The following TRMT1L variants were observed in gnomAD, a reference collection of about 807,000 sequenced individuals.
TRMT1L encodes the protein tRNA (guanine(27)-N(2))-dimethyltransferase.
In TRMT1L, 28 loss-of-function variants were observed where a neutral mutation model predicts 81.6. That is an observed-to-expected ratio of 0.34 (90% CI 0.25 to 0.47). The LOEUF (loss-of-function observed/expected upper bound fraction) is 0.47. Among genes scored for constraint, TRMT1L ranks in the 20% least tolerant of loss-of-function variants. TRMT1L has a pLI of 1.00. For missense variants in TRMT1L, 739 were observed against 877.1 expected (o/e 0.84, Z 1.99); for synonymous variants, 301 against 303.2 (o/e 0.99, Z 0.07).
intron 10 of TRMT1L, among the ~76,000 whole-genome samples, chr1:185,131,358 T>A (rs1178134829): frequency 6.6e-6 from 1 of 152,024 alleles, no homozygotes; most frequent in South Asian, 2.1e-4. Flanking sequence ...CACAAAACAT[T>A]TGAGAACTAC....
intron 3 of TRMT1L, among the ~76,000 whole-genome samples, chr1:185,147,824 A>T (rs12043561): frequency 0.1 from 15,182 of 152,166 alleles, 980 homozygotes; most frequent in East Asian, 0.25. Flanking sequence ...TCCCAAATTA[A>T]AGCTCTAGGT....
chr1:185,151,007 G>A (rs1415098587), intron 2 of TRMT1L, among the ~76,000 whole-genome samples: 1 of 152,172 alleles, frequency 6.6e-6, no homozygotes, highest in East Asian at 1.9e-4. Flanking sequence ...GTTCTGAGAC[G>A]GGGCGCATAG....
Position 185,125,047 on chromosome 1 carries a change from A to G in TRMT1L, c.1656T>C (p.Gly552=). The G allele has an allele frequency of 6.2e-7, 1 of 1,613,260 alleles. No homozygotes were observed. Among genetic ancestry groups the G allele is most frequent in the Non-Finnish European group, 8.5e-7 (1 of 1,179,512 alleles). ...TTATTAGGGTCTGAATGTCATCCAA[A>G]CCATGGTGAAGAGATTCAAATAGCA... is the stretch of plus-strand genomic sequence containing the variant. ...KRMLFESLHH[G]LDDIQTLIKT... is the part of the protein sequence containing the mutation. Residue 552 remains glycine, a synonymous_variant, in exon 12 of 15, where the codon GGT becomes GGC. Transcript: ENST00000367506.
chr1:185,129,298 C>T (rs796762179), intron 10 of TRMT1L, among the ~76,000 whole-genome samples: 3 of 152,334 alleles, frequency 2.0e-5, no homozygotes, highest in African/African-American at 7.2e-5. Context: ...AGATATTTCT[C>T]ATAAGTTAAC....
At chr1:185,129,719 A>T (rs1652722714) in intron 10 of TRMT1L, among the ~76,000 whole-genome samples, 1 of 152,210 alleles carries the variant, frequency 6.6e-6, no homozygotes, top group South Asian at 2.1e-4. Context: ...AATTATTGGT[A>T]TAATGCATAG....
At chr1:185,131,583 A>G (rs1557986362) in intron 10 of TRMT1L, among the ~76,000 whole-genome samples, 1 of 152,124 alleles carries the variant, frequency 6.6e-6, no homozygotes, top group Non-Finnish European at 1.5e-5. Flanking sequence ...TAATCACTTG[A>G]CTAGCCTAAA....
upstream of TRMT1L, chr1:185,156,980 G>A (rs186380206): frequency 1.1e-4 from 56 of 505,316 alleles, no homozygotes; most frequent in African/African-American, 1.4e-4. Flanking sequence ...GCGCAGAAGC[G>A]TACTGGGGAC....
At chr1:185,129,559 C>T (rs1160994708) in intron 10 of TRMT1L, among the ~76,000 whole-genome samples, 3 of 152,226 alleles carry the variant, frequency 2.0e-5, no homozygotes, top group Non-Finnish European at 2.9e-5. Flanking sequence ...ATTCCCTCCA[C>T]TCCAGGCCAT....
At chr1:185,128,543 ATAAT>A (rs1652691902) in intron 11 of TRMT1L, 122 bp downstream of exon 11, 1 of 853,738 alleles carries the variant, frequency 1.2e-6, no homozygotes, top group African/African-American at 1.7e-5. Context: ...GAGAAGAGTC[ATAAT>A]TATTTGCCTA....
At position 185,120,085 on chromosome 1, in the gene TRMT1L, TG is replaced by T; in HGVS notation, c.2135del (p.Thr712LysfsTer2). The T allele has an allele frequency of 2.5e-6, 4 of 1,614,048 alleles. No homozygotes were observed. Among genetic ancestry groups the T allele is most frequent in the Non-Finnish European group, 2.5e-6 (3 of 1,179,934 alleles). On this transcript the variant is annotated frameshift_variant, in exon 15 of 15. Transcript: ENST00000367506. LOFTEE classifies it high-confidence loss of function. ...CTGACATTTCAACTCTTTCAGTTAC[TG>T]TATCTTCAGATGCTGACTGGACATG... ...ESHVQSASED[T>X]VTERVEMSVN...
At chr1:185,154,108 C>T (rs1653432169) in intron 1 of TRMT1L, among the ~76,000 whole-genome samples, 1 of 152,204 alleles carries the variant, frequency 6.6e-6, no homozygotes, top group Admixed American at 6.5e-5. Context: ...TTTTTGGATG[C>T]AGTAGCACAC....
chr1:185,149,742 A>C (rs1299373575), intron 3 of TRMT1L, among the ~76,000 whole-genome samples: 1 of 151,778 alleles, frequency 6.6e-6, no homozygotes, highest in African/African-American at 2.4e-5. Flanking sequence ...TAATTCATAT[A>C]ATTCACTTAG....
chr1:185,120,076 T>C lies in TRMT1L; in HGVS notation c.2145A>G (p.Glu715=). 6.2e-7 allele frequency: 1 copy of C among 1,613,980 alleles called. No individual in the cohort carries two copies. The highest frequency in any genetic ancestry group is 8.5e-7 in the Non-Finnish European group (1 of 1,179,920). ...TGTCATTCACTGACATTTCAACTCT[T>C]TCAGTTACTGTATCTTCAGATGCTG... ...VQSASEDTVT[E]RVEMSVNDKA... is the part of the protein sequence containing the mutation. Residue 715 remains glutamate (E), a synonymous_variant, in exon 15 of 15, where the codon GAA becomes GAG. Transcript: ENST00000367506.
In TRMT1L at chr1:185,119,961, G is replaced by A; in HGVS notation, c.*58C>T. ...AAGAACAGAAAAAGAACTACAGTTG[G>A]TATAGAGAACTATTAGGCCATCTAT... On this transcript the variant is annotated 3_prime_UTR_variant, in exon 15 of 15. Coordinates refer to ENST00000367506, the MANE Select transcript of TRMT1L (RefSeq NM_030934.5). 6.5e-7 allele frequency: 1 copy of A among 1,546,102 alleles called. No individual in the cohort carries two copies. Among genetic ancestry groups the A allele is most frequent in the South Asian group, 1.2e-5 (1 of 82,506 alleles).
intron 1 of TRMT1L, among the ~76,000 whole-genome samples, chr1:185,152,409 G>A (rs1197892499): frequency 6.6e-6 from 1 of 152,204 alleles, no homozygotes; most frequent in Non-Finnish European, 1.5e-5. Flanking sequence ...CCCACCCTTG[G>A]CTGGAATGTG....
chr1:185,148,919 CT>C (rs1653258144), intron 3 of TRMT1L, among the ~76,000 whole-genome samples: 1 of 152,174 alleles, frequency 6.6e-6, no homozygotes. Flanking sequence ...TTACTAGCTG[CT>C]TTATCAAGGC....
At chr1:185,152,996 G>C (rs1469777643) in intron 1 of TRMT1L, among the ~76,000 whole-genome samples, 1 of 151,970 alleles carries the variant, frequency 6.6e-6, no homozygotes, top group East Asian at 1.9e-4. Flanking sequence ...GAAAGCCTAA[G>C]AAAAAAAGTG....
At chr1:185,149,519 G>GAAGC in intron 3 of TRMT1L, among the ~76,000 whole-genome samples, 2 of 151,798 alleles carry the variant, frequency 1.3e-5, no homozygotes, top group African/African-American at 4.8e-5. Context: ...GCTCAGGCTG[G>GAAGC]TCTTGAACTC....
chr1:185,153,632 G>A (rs1460464358), intron 1 of TRMT1L, among the ~76,000 whole-genome samples: 9 of 152,086 alleles, frequency 5.9e-5, no homozygotes, highest in Middle Eastern at 3.2e-3. Flanking sequence ...AAGTTTGACG[G>A]TATAAAAAAG....
Sources: allele counts gnomAD v4.1 joint callset (sites outside exome capture counted in the v4.1 genomes callset), GRCh38; gene constraint gnomAD v4.1.1; transcripts MANE v1.5; gene names NCBI Gene and HGNC (gene_info 2026-07-23, HGNC 2026-07-21).